Variants in ATXN1 observed in about 807,000 individuals in gnomAD.
The protein encoded by ATXN1 is ataxin-1.
In ATXN1, 8 loss-of-function variants were observed where a neutral mutation model predicts 56.4. The ratio of observed to expected loss-of-function variants is 0.14; its 90% confidence interval spans 0.08 to 0.26. The LOEUF (loss-of-function observed/expected upper bound fraction) is 0.26. Ranked by LOEUF, ATXN1 falls within the 10% of genes least tolerant of loss-of-function variation. The pLI is 1.00. For synonymous variants in ATXN1, 514 were observed against 494.6 expected, an observed-to-expected ratio of 1.04 and a Z score of -0.52; for missense variants, 987 against 1,106.5, an observed-to-expected ratio of 0.89 and a Z score of 1.53.
intron 6 of ATXN1, among the ~76,000 whole-genome samples, chr6:16,452,417 G>A (rs1416130635): frequency 1.3e-5 from 2 of 152,192 alleles, no homozygotes; most frequent in Admixed American, 6.5e-5. Context: ...AATTCAGCTG[G>A]AAAAGGAAAA....
intron 5 of ATXN1, among the ~76,000 whole-genome samples, chr6:16,517,790 AC>A (rs1761213695): frequency 6.6e-6 from 1 of 152,240 alleles, no homozygotes; most frequent in African/African-American, 2.4e-5. Flanking sequence ...ACACATGCAC[AC>A]ATGCCAACTA....
chr6:16,450,161 C>T (rs1759725723), intron 6 of ATXN1, among the ~76,000 whole-genome samples: 1 of 152,218 alleles, frequency 6.6e-6, no homozygotes, highest in South Asian at 2.1e-4. Context: ...TGTGGGTGAT[C>T]ACTGCCATAG....
intron 5 of ATXN1, among the ~76,000 whole-genome samples, chr6:16,488,109 T>C (rs1031100197): frequency 6.6e-6 from 1 of 152,192 alleles, no homozygotes; most frequent in East Asian, 1.9e-4. Flanking sequence ...TTCTCTGTGA[T>C]TAATTTCGGT....
At chr6:16,665,894 G>T (rs1184828903) in intron 2 of ATXN1, among the ~76,000 whole-genome samples, 1 of 152,080 alleles carries the variant, frequency 6.6e-6, no homozygotes, top group African/African-American at 2.4e-5. Context: ...ATATTTATTG[G>T]GTACATGTGA....
At chr6:16,707,912 C>T (rs796314854) in intron 2 of ATXN1, among the ~76,000 whole-genome samples, 6 of 151,796 alleles carry the variant, frequency 4.0e-5, no homozygotes, top group African/African-American at 1.4e-4. Context: ...CAAAACAAAA[C>T]AAAACAAAAA....
chr6:16,698,240 A>T lies in ATXN1; in HGVS notation c.-614-40339T>A, dbSNP rs570730941. On this transcript the variant is annotated intron_variant, in intron 2 of 7. Coordinates refer to ENST00000436367, the MANE Select transcript of ATXN1 (RefSeq NM_001128164.2). Reference sequence around the variant, plus strand: ...TAAACACATCACTCTATCATTAGTGACTGTTGCTGAAGAAGGGCTTCACTG... The same window carrying T: ...TAAACACATCACTCTATCATTAGTGTCTGTTGCTGAAGAAGGGCTTCACTG... Among the ~76,000 whole-genome samples, 37 of 152,306 alleles carry T rather than the reference A, an allele frequency of 2.4e-4. 1 individual carries two copies. Among genetic ancestry groups the T allele is most frequent in the African/African-American group, 8.9e-4 (37 of 41,566 alleles).
At chr6:16,564,575 A>C (rs1411392820) in intron 4 of ATXN1, among the ~76,000 whole-genome samples, 1 of 152,252 alleles carries the variant, frequency 6.6e-6, no homozygotes, top group African/African-American at 2.4e-5. Flanking sequence ...GATCCTTGAA[A>C]GCATTATGCT....
At chr6:16,449,654 G>A (rs1169265612) in intron 6 of ATXN1, among the ~76,000 whole-genome samples, 2 of 152,180 alleles carry the variant, frequency 1.3e-5, no homozygotes. Context: ...GTTTCACATT[G>A]TTAGCGATAT....
At chr6:16,589,709 T>A (rs1278601865) in intron 3 of ATXN1, among the ~76,000 whole-genome samples, 5 of 152,172 alleles carry the variant, frequency 3.3e-5, no homozygotes, top group Non-Finnish European at 7.3e-5. Flanking sequence ...TGTACAGCCA[T>A]TATCACTATC....
chr6:16,546,309 G>T (rs1217578289), intron 4 of ATXN1, among the ~76,000 whole-genome samples: 3 of 152,150 alleles, frequency 2.0e-5, no homozygotes, highest in African/African-American at 7.2e-5. Flanking sequence ...AGGAACCATA[G>T]AATTTTTTAA....
intron 1 of ATXN1, chr6:16,753,957 T>C (rs1273678622): frequency 6.6e-6 from 1 of 152,372 alleles, no homozygotes; most frequent in Non-Finnish European, 1.5e-5. Flanking sequence ...TTGCACATGG[T>C]TAAGTAAAAA....
rs988608964 is a variant in ATXN1 at position 16,538,060 on chromosome 6, G to A, written c.-360-15372C>T. Among the ~76,000 whole-genome samples, 6 of 152,298 alleles carry A rather than the reference G, an allele frequency of 3.9e-5. No individual in the cohort carries two copies. The East Asian group carries it at 1.2e-3, about 29-fold the overall frequency. ...CTTGCTGGCAACTTCCCAGATTAGT[G>A]CACTTGATGAAACCCCTTGTAATAA... On this transcript the variant is annotated intron_variant, in intron 4 of 7. Coordinates refer to ENST00000436367, the MANE Select transcript of ATXN1 (RefSeq NM_001128164.2).
chr6:16,367,271 G>T (rs987331860), intron 6 of ATXN1, among the ~76,000 whole-genome samples: 6 of 152,078 alleles, frequency 3.9e-5, no homozygotes, highest in African/African-American at 1.4e-4. Context: ...TGGGAAAGGG[G>T]CAGTTATAAA....
intron 3 of ATXN1, chr6:16,615,383 C>T (rs1040886084): frequency 4.0e-5 from 6 of 150,718 alleles, no homozygotes; most frequent in African/African-American, 1.5e-4. Flanking sequence ...TTCTGGAAAT[C>T]CCCGCTTGAT....
At chr6:16,617,127 C>T (rs1763229408) in intron 3 of ATXN1, among the ~76,000 whole-genome samples, 1 of 151,934 alleles carries the variant, frequency 6.6e-6, no homozygotes, top group African/African-American at 2.4e-5. Context: ...GGGGGGACTA[C>T]TGTATAAGGA....
chr6:16,626,329 A>T (rs954611192), intron 3 of ATXN1, among the ~76,000 whole-genome samples: 5 of 152,194 alleles, frequency 3.3e-5, no homozygotes, highest in African/African-American at 1.2e-4. Context: ...TCTGTTGCCC[A>T]GGCTGGAGTG....
chr6:16,586,220 C>T (rs1387306702), intron 3 of ATXN1, among the ~76,000 whole-genome samples: 1 of 152,170 alleles, frequency 6.6e-6, no homozygotes. Flanking sequence ...TCCTGCCCCT[C>T]CTTCCCTGCT....
Position 16,629,656 on chromosome 6 carries a change from C to T in ATXN1, c.-489+28120G>A, listed in dbSNP as rs183848499. On this transcript the variant is annotated intron_variant, in intron 3 of 7. Transcript: ENST00000436367. ...TTCGGCCAGGCAAGGTGGCTCATGC[C>T]TGTAATCCCTGCACTTTGGGAGGCT... Among the ~76,000 whole-genome samples the T allele has an allele frequency of 4.6e-5, 7 of 152,180 alleles. No individual in the cohort carries two copies. In the East Asian group the frequency reaches 1.4e-3, roughly 29 times the overall value.
chr6:16,639,247 A>T (rs1489741971), intron 3 of ATXN1, among the ~76,000 whole-genome samples: 1 of 152,156 alleles, frequency 6.6e-6, no homozygotes, highest in South Asian at 2.1e-4. Flanking sequence ...CGCTCCTCAC[A>T]ATAAATCTTG....
Sources: gnomAD v4.1 joint callset for allele counts (sites outside exome capture counted in the v4.1 genomes callset) on GRCh38, gnomAD v4.1.1 for gene constraint, MANE v1.5 for transcripts, NCBI Gene and HGNC (gene_info 2026-07-23, HGNC 2026-07-21) for gene names.